The following HERC2 variants were observed in gnomAD, a reference collection of about 807,000 sequenced individuals.
HERC2 encodes the protein HECT and RLD domain containing E3 ubiquitin protein ligase 2.
Under a neutral mutation model 537.7 loss-of-function variants are expected in HERC2, and 102 were observed. The ratio of observed to expected loss-of-function variants is 0.19; its 90% CI spans 0.16 to 0.22. The LOEUF (loss-of-function observed/expected upper bound fraction) is 0.22, where lower values mean the gene tolerates loss of function less well. Ranked by LOEUF, HERC2 falls within the 10% of genes least tolerant of loss-of-function variation. The probability of loss-of-function intolerance (pLI) is 1.00; values close to 1 mark genes in which losing one functional copy is unlikely to be tolerated. For missense variants in HERC2, 4,236 were observed against 6,198.2 expected (o/e 0.68, Z 10.63); for synonymous variants, 2,224 against 2,466.2 (o/e 0.90, Z 2.91).
chr15:28,307,736 G>C (rs573130808), intron 2 of HERC2, among the ~76,000 whole-genome samples: 36 of 152,212 alleles, frequency 2.4e-4, no homozygotes, highest in Non-Finnish European at 4.4e-4. Context: ...CTTTTATATG[G>C]CAAAAGAGGA....
rs1444811704 is a variant in HERC2, at chr15:28,132,767, A to G, written c.12294T>C (p.Ala4098=). The G allele has an allele frequency of 3.7e-6, 6 of 1,608,304 alleles. No individual in the cohort carries two copies. The South Asian group carries it at 6.7e-5, about 18-fold the overall frequency. The stretch of plus-strand genomic sequence containing the variant: ...TGACACAGGCGCTGTGGGCTCCGCC[A>G]GCAGCAACATCGACCACTTCAATTC... ...LRGIEVVDVA[A]GGAHSACVTA... Residue 4098 remains alanine (A), a synonymous_variant, in exon 80 of 93, where the codon GCT becomes GCC. Transcript: ENST00000261609.
chr15:28,222,237 T>C lies in HERC2; in HGVS notation c.5465-22A>G, dbSNP rs60204463. ...GGGCCTGATGGAGCGTCAAAAACAA[T>C]AGCTGAGCCAACAAGTAGCTACAGT... is the stretch of plus-strand genomic sequence containing the variant. On this transcript the variant is annotated intron_variant, in intron 35 of 92. Coordinates refer to ENST00000261609, the MANE Select transcript of HERC2 (RefSeq NM_004667.6). The C allele has an allele frequency of 5.7e-3, 8,707 of 1,532,256 alleles. 350 individuals carry two copies. In the African/African-American group the frequency reaches 0.1, roughly 18 times the overall value. 94.9% of individuals were successfully genotyped at this position (1,532,256 alleles called of 1,614,324 possible). A position where few individuals can be genotyped will look rare whatever the true frequency, so the allele number is the denominator to read the frequency against.
chr15:28,263,910 T>C (rs1031715278), intron 14 of HERC2, among the ~76,000 whole-genome samples: 15 of 149,356 alleles, frequency 1.0e-4, no homozygotes, highest in African/African-American at 3.7e-4. Flanking sequence ...TGAATATCTA[T>C]AATCCAGCTG....
intron 40 of HERC2, among the ~76,000 whole-genome samples, 186 bp downstream of exon 40, chr15:28,214,469 A>G (rs1382185123): frequency 1.3e-5 from 2 of 151,062 alleles, no homozygotes; most frequent in African/African-American, 4.9e-5. Flanking sequence ...ACGGCCACGC[A>G]CCTCTGAGTG....
chr15:28,297,032 C>T (rs558148830), intron 3 of HERC2, among the ~76,000 whole-genome samples: 398 of 152,342 alleles, frequency 2.6e-3, no homozygotes, highest in African/African-American at 9.1e-3. Flanking sequence ...TAAAAATGAA[C>T]AGATGTGACT....
intron 4 of HERC2, among the ~76,000 whole-genome samples, chr15:28,286,557 A>G (rs1371098799): frequency 6.6e-6 from 1 of 152,238 alleles, no homozygotes; most frequent in East Asian, 1.9e-4. Context: ...GACAAAATTC[A>G]ATACTCATGA....
In HERC2 at chr15:28,228,400, G is replaced by A. The variant is rs779293972; in HGVS notation, c.5282C>T (p.Pro1761Leu). 1.2e-5 allele frequency: 19 copies of A among 1,611,994 alleles called. No homozygotes were observed. Among genetic ancestry groups the A allele is most frequent in the East Asian group, 6.7e-5 (3 of 44,886 alleles). The change falls in exon 35 of 93, where the codon CCG becomes CTG. Residue 1761 changes from proline (P) to leucine (L), a missense_variant. Coordinates refer to ENST00000261609, the MANE Select transcript of HERC2 (RefSeq NM_004667.6). ...ATTGGTGATGGTTTGCAGGGGAACC[G>A]GCTGGATACCTAATGAGCATTGGCA... is the stretch of plus-strand genomic sequence containing the variant. ...SAKFKELGIQPVPLQTITNEN... is the reference protein window; with the variant it reads ...SAKFKELGIQLVPLQTITNEN...
At chr15:28,117,178 C>G in intron 86 of HERC2, 24 bp from the exon 87 acceptor site, 21 of 1,612,306 alleles carry the variant, frequency 1.3e-5, no homozygotes, top group Non-Finnish European at 1.8e-5. Flanking sequence ...AGCAAGCAAG[C>G]GTGAGGCCGC....
chr15:28,299,569 T>A, intron 2 of HERC2, 53 bp from the exon 3 acceptor site: 1 of 911,832 alleles, frequency 1.1e-6, no homozygotes, highest in South Asian at 1.4e-5. Context: ...CACATTGCAA[T>A]TTTTAAAGAA....
chr15:28,239,517 A>T (rs1190412238), intron 23 of HERC2, among the ~76,000 whole-genome samples: 2 of 147,438 alleles, frequency 1.4e-5, no homozygotes, highest in African/African-American at 2.5e-5. Context: ...CAGACAGCAG[A>T]GGGCAAGGTT....
Position 28,177,400 on chromosome 15 carries a change from C to T in HERC2, c.9254+19G>A. The T allele has an allele frequency of 6.2e-7, 1 of 1,607,204 alleles. No homozygotes were observed. The highest frequency in any genetic ancestry group is 1.7e-4 in the Middle Eastern group (1 of 6,052). ...AACAGTTTCTTATTAGCAAATGAGA[C>T]TAAAAAAAGTACCCTTACATTCTGC... On this transcript the variant is annotated intron_variant, in intron 60 of 92. Coordinates refer to ENST00000261609, the MANE Select transcript of HERC2 (RefSeq NM_004667.6). This position sits in a 1 kb window ranked among gnomAD's most constrained non-coding sequence, Gnocchi z 5.0.
chr15:28,315,421 C>T (rs1292528780), intron 2 of HERC2, among the ~76,000 whole-genome samples: 6 of 152,220 alleles, frequency 3.9e-5, no homozygotes, highest in African/African-American at 1.4e-4. Flanking sequence ...CAGAGAGAGG[C>T]GGCTAAGGAA....
intron 50 of HERC2, among the ~76,000 whole-genome samples, chr15:28,197,506 C>T (rs1897457293): frequency 6.6e-6 from 1 of 152,174 alleles, no homozygotes; most frequent in African/African-American, 2.4e-5. Context: ...GTAATCCCAA[C>T]ACTTTGGGAG....
chr15:28,228,432 G>A (rs1470603214), intron 34 of HERC2, 23 bp from the exon 35 acceptor site: 17 of 1,606,632 alleles, frequency 1.1e-5, no homozygotes, highest in Non-Finnish European at 1.4e-5. Context: ...GGCACCTACT[G>A]ACATTTCTTG....
rs565139867 is a variant in HERC2, at chr15:28,200,696, T to A, written c.7716+760A>T. Reference sequence around the variant, plus strand: ...CCATTAAAGCCATTTCTGAGAAAACTGGAAAACTACAAGCAAGCGTTAGAT... The same window carrying A: ...CCATTAAAGCCATTTCTGAGAAAACAGGAAAACTACAAGCAAGCGTTAGAT... On this transcript the variant is annotated intron_variant, in intron 48 of 92. Transcript: ENST00000261609. Among the ~76,000 whole-genome samples, 787 of 151,932 alleles carry A rather than the reference T, an allele frequency of 5.2e-3. 7 individuals are homozygous for A. The highest frequency in any genetic ancestry group is 0.018 in the African/African-American group (752 of 41,434).
intron 7 of HERC2, among the ~76,000 whole-genome samples, chr15:28,273,648 G>A (rs775932941): frequency 1.2e-4 from 18 of 152,296 alleles, no homozygotes; most frequent in Admixed American, 4.6e-4. Context: ...ACTCAGAGCC[G>A]GGGACGCAAA....
intron 50 of HERC2, among the ~76,000 whole-genome samples, chr15:28,197,043 G>A (rs1310232536): frequency 1.3e-5 from 2 of 152,184 alleles, no homozygotes; most frequent in African/African-American, 2.4e-5. Context: ...TTTAAAATTT[G>A]TCTTGTTTTG....
chr15:28,198,501 A>G lies in HERC2; in HGVS notation c.7888T>C (p.Tyr2630His). 1.2e-6 allele frequency: 2 copies of G among 1,613,868 alleles called. No homozygotes were observed. Among genetic ancestry groups the G allele is most frequent in the East Asian group, 2.2e-5 (1 of 44,882 alleles). Residue 2630 changes from tyrosine (Y) to histidine (H), a missense_variant and splice_region_variant, in exon 50 of 93, where the codon TAT becomes CAT. This residue lies in a region of HERC2 where 606 missense variants were observed against 884.5 expected (regional missense o/e 0.69). Coordinates refer to ENST00000261609, the MANE Select transcript of HERC2 (RefSeq NM_004667.6). Reference sequence around the variant, plus strand: ...TGAGAAGAAGAACTTGGTGGAGGATAGCCTACAGATGTCAATAACAAATCA... The same window carrying G: ...TGAGAAGAAGAACTTGGTGGAGGATGGCCTACAGATGTCAATAACAAATCA... The part of the protein sequence containing the change: ...VRYIHVELIG[Y>H]PPPSSSSHIK...
At position 28,219,885 on chromosome 15, in the gene HERC2, A is replaced by G. The variant is rs565992621; in HGVS notation, c.5845+567T>C. ...CACGAAACCTCCTCCCGCAACCTGG[A>G]TCTCCACAGATAGGATCTAGCTTTC... On this transcript the variant is annotated intron_variant, in intron 37 of 92. Coordinates refer to ENST00000261609, the MANE Select transcript of HERC2 (RefSeq NM_004667.6). Among the ~76,000 whole-genome samples the G allele has an allele frequency of 2.0e-5, 3 of 152,278 alleles. No homozygotes were observed. The East Asian group carries it at 5.8e-4, about 29-fold the overall frequency.
Sources: gnomAD v4.1 joint callset for allele counts (sites outside exome capture counted in the v4.1 genomes callset) on GRCh38, gnomAD v4.1.1 for gene constraint, gnomAD v4.1.1 regional missense constraint, Gnocchi (gnomAD v3.1) non-coding constraint, MANE v1.5 for transcripts, NCBI Gene and HGNC (gene_info 2026-07-23, HGNC 2026-07-21) for gene names.